Variants in ZNF804B observed in about 807,000 individuals in gnomAD.
The protein encoded by ZNF804B is zinc finger protein 804B, also known as zinc finger 804B.
ZNF804B carries 80 observed loss-of-function variants against 101.4 expected under a neutral mutation model. The ratio of observed to expected loss-of-function variants is 0.79; its 90% CI spans 0.66 to 0.95. The LOEUF (loss-of-function observed/expected upper bound fraction) is 0.95. Among genes scored for constraint, ZNF804B ranks in the 40% least tolerant of loss-of-function variants. ZNF804B has a pLI of 0.00. For synonymous variants in ZNF804B, 622 were observed against 558.8 expected, an observed-to-expected ratio of 1.11 and a Z score of -1.59; for missense variants, 1,673 against 1,561.9, an observed-to-expected ratio of 1.07 and a Z score of -1.20.
chr7:88,784,185 A>T (rs1192696489), intron 1 of ZNF804B, among the ~76,000 whole-genome samples: 1 of 152,176 alleles, frequency 6.6e-6, no homozygotes, highest in Non-Finnish European at 1.5e-5. Context: ...TCCATAAAGT[A>T]TATAGAACAC....
chr7:89,194,416 G>C (rs1222102384), intron 1 of ZNF804B, among the ~76,000 whole-genome samples: 1 of 150,328 alleles, frequency 6.7e-6, no homozygotes, highest in Non-Finnish European at 1.5e-5. Context: ...GTAATGCCTA[G>C]GTTTTCTTCT....
chr7:89,143,980 T>C (rs531049453), intron 1 of ZNF804B, among the ~76,000 whole-genome samples: 6 of 152,002 alleles, frequency 3.9e-5, no homozygotes, highest in Non-Finnish European at 1.5e-5. Flanking sequence ...TCCAATAATA[T>C]TAGCTACATC....
intron 1 of ZNF804B, among the ~76,000 whole-genome samples, chr7:89,151,856 AGGC>A: frequency 6.6e-6 from 1 of 152,076 alleles, no homozygotes; most frequent in Non-Finnish European, 1.5e-5. Context: ...TCTACCTCCT[AGGC>A]AGGAACTACT....
Position 89,029,323 on chromosome 7 carries a change from C to T in ZNF804B, c.109-188832C>T, listed in dbSNP as rs533685907. On this transcript the variant is annotated intron_variant, in intron 1 of 3. Transcript: ENST00000333190. ...TTCACCATGTTGGCCAGGCTGGTTT[C>T]GAACTCCTGACCTCAAATGATCCAC... Among the ~76,000 whole-genome samples the T allele has an allele frequency of 3.3e-5, 5 of 152,166 alleles. No homozygotes were observed. The South Asian group carries it at 6.2e-4, about 19-fold the overall frequency.
At chr7:88,787,811 G>C (rs1243742797) in intron 1 of ZNF804B, among the ~76,000 whole-genome samples, 1 of 152,116 alleles carries the variant, frequency 6.6e-6, no homozygotes, top group Admixed American at 6.6e-5. Context: ...TAAACCTTCT[G>C]CTATACTGTC....
chr7:89,090,062 A>G (rs1273311327), intron 1 of ZNF804B, among the ~76,000 whole-genome samples: 1 of 152,142 alleles, frequency 6.6e-6, no homozygotes, highest in East Asian at 1.9e-4. Flanking sequence ...ATAGGAAAAT[A>G]AGCACAAAGG....
At chr7:88,767,455 G>T (rs1268080084) in intron 1 of ZNF804B, among the ~76,000 whole-genome samples, 1 of 152,154 alleles carries the variant, frequency 6.6e-6, no homozygotes, top group Non-Finnish European at 1.5e-5. Flanking sequence ...GAATAATTAT[G>T]TTCTCTAACG....
intron 1 of ZNF804B, among the ~76,000 whole-genome samples, chr7:89,001,823 A>G (rs1310348794): frequency 6.6e-6 from 1 of 151,856 alleles, no homozygotes; most frequent in Non-Finnish European, 1.5e-5. Context: ...AATGGAATAA[A>G]TTTGTAGGGT....
chr7:88,807,898 T>G (rs1562799419), intron 1 of ZNF804B, among the ~76,000 whole-genome samples: 1 of 152,204 alleles, frequency 6.6e-6, no homozygotes, highest in Non-Finnish European at 1.5e-5. Context: ...TCTTCATTAT[T>G]AAATTCTCTG....
At chr7:89,283,070 A>T (rs1790124835) in intron 2 of ZNF804B, among the ~76,000 whole-genome samples, 1 of 152,230 alleles carries the variant, frequency 6.6e-6, no homozygotes, top group Non-Finnish European at 1.5e-5. Context: ...AAATAAAATT[A>T]ATTGTCTCCA....
intron 2 of ZNF804B, among the ~76,000 whole-genome samples, chr7:89,266,885 G>C (rs1789804202): frequency 6.6e-6 from 1 of 152,052 alleles, no homozygotes; most frequent in Admixed American, 6.6e-5. Flanking sequence ...GTTTGTGTGT[G>C]TGTGTGTCTT....
intron 1 of ZNF804B, among the ~76,000 whole-genome samples, chr7:89,014,421 A>G (rs1252534963): frequency 6.6e-6 from 1 of 151,982 alleles, no homozygotes; most frequent in Non-Finnish European, 1.5e-5. Context: ...GGTTCATGCC[A>G]TTCTCCTGCC....
chr7:89,140,350 T>C (rs1161845458), intron 1 of ZNF804B, among the ~76,000 whole-genome samples: 2 of 152,058 alleles, frequency 1.3e-5, no homozygotes, highest in Admixed American at 1.3e-4. Context: ...CTTTAGCCTA[T>C]AACAAGAGAG....
intron 1 of ZNF804B, among the ~76,000 whole-genome samples, chr7:88,891,209 A>G (rs963885112): frequency 6.6e-6 from 1 of 152,082 alleles, no homozygotes; most frequent in Non-Finnish European, 1.5e-5. Context: ...CGTTAATTCT[A>G]TCCTTATGCA....
intron 1 of ZNF804B, among the ~76,000 whole-genome samples, chr7:89,099,249 A>G (rs771076231): frequency 3.3e-5 from 5 of 152,020 alleles, no homozygotes; most frequent in Non-Finnish European, 5.9e-5. Flanking sequence ...CCAACTCACT[A>G]CTATATCATA....
At chr7:89,169,812 C>T (rs1392317337) in intron 1 of ZNF804B, among the ~76,000 whole-genome samples, 3 of 152,046 alleles carry the variant, frequency 2.0e-5, no homozygotes, top group African/African-American at 4.8e-5. Flanking sequence ...AATATATATT[C>T]TTATAAGCAT....
At chr7:88,876,088 C>G (rs1026618857) in intron 1 of ZNF804B, among the ~76,000 whole-genome samples, 2 of 152,060 alleles carry the variant, frequency 1.3e-5, no homozygotes, top group South Asian at 2.1e-4. Flanking sequence ...TTCTTGTACT[C>G]TCTTCTCGGA....
intron 2 of ZNF804B, among the ~76,000 whole-genome samples, chr7:89,245,893 T>G (rs891875789): frequency 6.6e-6 from 1 of 152,056 alleles, no homozygotes; most frequent in African/African-American, 2.4e-5. Context: ...CCACTGAGGA[T>G]CTAAGTAACC....
intron 2 of ZNF804B, among the ~76,000 whole-genome samples, chr7:89,303,639 A>G (rs1172022071): frequency 2.0e-5 from 3 of 151,924 alleles, no homozygotes; most frequent in African/African-American, 4.8e-5. Context: ...AAATTAAATC[A>G]AGCTATTTAA....
Sources: gnomAD v4.1 joint callset for allele counts (sites outside exome capture counted in the v4.1 genomes callset) on GRCh38, gnomAD v4.1.1 for gene constraint, MANE v1.5 for transcripts, NCBI Gene and HGNC (gene_info 2026-07-23, HGNC 2026-07-21) for gene names.